ARIH2: variants seen among roughly 807,000 people sequenced by gnomAD.
ARIH2 encodes E3 ubiquitin-protein ligase ARIH2.
In ARIH2, 12 loss-of-function variants were observed where a neutral mutation model predicts 79.8. That is an observed-to-expected ratio of 0.15 (90% confidence interval 0.10 to 0.24). ARIH2 has a LOEUF of 0.24. Among genes scored for constraint, ARIH2 ranks in the 10% least tolerant of loss-of-function variants. The pLI, the probability that ARIH2 is intolerant of heterozygous loss-of-function variation, is 1.00. For missense variants in ARIH2, 301 were observed against 618.3 expected (o/e 0.49, Z 5.44); for synonymous variants, 224 against 213.9 (o/e 1.05, Z -0.41).
chr3:48,967,477 T>C (rs2091880033), intron 6 of ARIH2, among the ~76,000 whole-genome samples: 1 of 152,212 alleles, frequency 6.6e-6, no homozygotes, highest in Admixed American at 6.5e-5. Flanking sequence ...AAACTAAATA[T>C]ACTGTTGTAA....
intron 4 of ARIH2, among the ~76,000 whole-genome samples, 198 bp downstream of exon 4, chr3:48,961,877 AGT>A (rs1440201659): frequency 1.3e-5 from 2 of 152,172 alleles, no homozygotes; most frequent in African/African-American, 4.8e-5. Context: ...CTTCTACCCC[AGT>A]TTTAATACTA....
chr3:48,933,820 G>A (rs1018159609), intron 3 of ARIH2, among the ~76,000 whole-genome samples: 1 of 151,890 alleles, frequency 6.6e-6, no homozygotes, highest in African/African-American at 2.4e-5. Flanking sequence ...CAACGTGCTG[G>A]GATTACAGGT....
intron 1 of ARIH2, among the ~76,000 whole-genome samples, chr3:48,920,866 T>A: frequency 1.8e-5 from 1 of 56,448 alleles, no homozygotes; most frequent in African/African-American, 5.5e-5. Context: ...ATCGCGCCAC[T>A]GCACTCCAGC....
At chr3:48,962,114 T>G (rs2091331987) in intron 4 of ARIH2, among the ~76,000 whole-genome samples, 1 of 152,186 alleles carries the variant, frequency 6.6e-6, no homozygotes. Flanking sequence ...TGGTGGCTCA[T>G]GCCTGTAATC....
chr3:48,943,179 A>G (rs757560936), intron 3 of ARIH2: 12 of 152,156 alleles, frequency 7.9e-5, no homozygotes, highest in Admixed American at 7.2e-4. Flanking sequence ...CACTAAAAGT[A>G]CCACTTTATT....
intron 3 of ARIH2, chr3:48,943,128 G>C (rs888424974): frequency 6.6e-6 from 1 of 152,006 alleles, no homozygotes; most frequent in Non-Finnish European, 1.5e-5. Context: ...TTTAATATCT[G>C]CCCCCTCCTT....
rs1246681228 is a variant in ARIH2 at position 48,949,176 on chromosome 3, G to A, written c.256-12436G>A. ...TCTGTTGCCTAGGCTGGAGTGCAGTGGCACGATCTCGGCTCACTGCAAGCT... is the reference window on the plus strand; with the variant it reads ...TCTGTTGCCTAGGCTGGAGTGCAGTAGCACGATCTCGGCTCACTGCAAGCT... On this transcript the variant is annotated intron_variant, in intron 3 of 15. Transcript: ENST00000356401. 8.9e-6 allele frequency: 4 copies of A among 448,396 alleles called. No homozygotes were observed. The East Asian group carries it at 2.8e-4, about 31-fold the overall frequency. The allele number at this position is 448,396 out of a possible 1,614,324, so 27.8% of individuals were successfully genotyped here.
At chr3:48,959,670 A>AG (rs1298387898) in intron 3 of ARIH2, among the ~76,000 whole-genome samples, 1 of 145,684 alleles carries the variant, frequency 6.9e-6, no homozygotes, top group Non-Finnish European at 1.5e-5. Flanking sequence ...AAAAAAAAAA[A>AG]AAAAAGAAAA....
chr3:48,983,280 T>C lies in ARIH2; in HGVS notation c.*10T>C. On this transcript the variant is annotated 3_prime_UTR_variant, in exon 16 of 16. Coordinates refer to ENST00000356401, the MANE Select transcript of ARIH2 (RefSeq NM_006321.4). Reference sequence around the variant, plus strand: ...TTTCCATGACACCTAAGTTGGGATGTGGATGTGCCGGGGTGAGGAAGATGT... The same window carrying C: ...TTTCCATGACACCTAAGTTGGGATGCGGATGTGCCGGGGTGAGGAAGATGT... 6.2e-7 allele frequency: 1 copy of C among 1,614,026 alleles called. No individual in the cohort carries two copies. Among genetic ancestry groups the C allele is most frequent in the South Asian group, 1.1e-5 (1 of 91,084 alleles).
intron 3 of ARIH2, among the ~76,000 whole-genome samples, chr3:48,940,150 G>C (rs1489662048): frequency 3.3e-5 from 5 of 152,122 alleles, no homozygotes; most frequent in African/African-American, 1.2e-4. Context: ...AGCTTGCAGT[G>C]AGCCAAGATC....
At chr3:48,966,818 A>G (rs374043130) in intron 5 of ARIH2, among the ~76,000 whole-genome samples, 1 of 152,332 alleles carries the variant, frequency 6.6e-6, no homozygotes, top group East Asian at 1.9e-4. Flanking sequence ...GACCTTGGCA[A>G]TTCTGAAACC....
rs1166521699 is a variant in ARIH2 at position 48,918,866 on chromosome 3, G to C, written c.-294G>C. 3 of 1,610,278 alleles carry C rather than the reference G, an allele frequency of 1.9e-6. No homozygotes were observed. The highest frequency in any genetic ancestry group is 2.7e-5 in the African/African-American group (2 of 74,926). On this transcript the variant is annotated 5_prime_UTR_variant, in exon 1 of 16. Transcript: ENST00000356401. The stretch of plus-strand genomic sequence containing the variant: ...CGGAGCTGTGGGGACGACTCTTCTG[G>C]AGGAAGCAGCGCGGGCTTGACCGGC...
intron 2 of ARIH2, among the ~76,000 whole-genome samples, chr3:48,926,459 A>G (rs2085630600): frequency 6.6e-6 from 1 of 151,520 alleles, no homozygotes; most frequent in Non-Finnish European, 1.5e-5. Flanking sequence ...TAGTAGAGAC[A>G]GGGTTTCACC....
chr3:48,969,471 C>G (rs1011764631), intron 7 of ARIH2, among the ~76,000 whole-genome samples: 6 of 151,064 alleles, frequency 4.0e-5, no homozygotes, highest in Non-Finnish European at 7.4e-5. Context: ...ATATAATTTT[C>G]TTTTCTTTTT....
chr3:48,979,762 A>G lies in ARIH2; in HGVS notation c.1113+129A>G, dbSNP rs1019288607. The G allele has an allele frequency of 7.0e-6, 7 of 995,096 alleles. No homozygotes were observed. The East Asian group carries it at 1.8e-4, about 26-fold the overall frequency. The allele number at this position is 995,096 out of a possible 1,614,324, so 61.6% of individuals were successfully genotyped here. On this transcript the variant is annotated intron_variant, in intron 12 of 15. Transcript: ENST00000356401. ...AGAAGTCAGTGAATGGAGCTCCTGC[A>G]GTATCCCTGGTGCTGCCTCTATAGA...
intron 7 of ARIH2, among the ~76,000 whole-genome samples, chr3:48,969,117 C>T (rs924475864): frequency 6.6e-6 from 1 of 151,936 alleles, no homozygotes; most frequent in Non-Finnish European, 1.5e-5. Context: ...TCATGATCTG[C>T]CCCCCTCGGC....
intron 7 of ARIH2, among the ~76,000 whole-genome samples, chr3:48,969,735 C>T (rs764853693): frequency 5.9e-5 from 9 of 151,564 alleles, no homozygotes; most frequent in Middle Eastern, 3.2e-3. Context: ...GCCATTCACC[C>T]GATGCAGCAT....
At chr3:48,952,951 C>T (rs973553242) in intron 3 of ARIH2, among the ~76,000 whole-genome samples, 4 of 150,616 alleles carry the variant, frequency 2.7e-5, no homozygotes, top group Non-Finnish European at 1.5e-5. Flanking sequence ...TTTTTTTAAA[C>T]GCAGTCTCGT....
intron 4 of ARIH2, among the ~76,000 whole-genome samples, chr3:48,963,479 A>G (rs2091481491): frequency 6.6e-6 from 1 of 152,206 alleles, no homozygotes; most frequent in African/African-American, 2.4e-5. Flanking sequence ...TTTCTGCTCC[A>G]ATTCCTGGTA....
Sources: gnomAD v4.1 joint callset for allele counts (sites outside exome capture counted in the v4.1 genomes callset) on GRCh38, gnomAD v4.1.1 for gene constraint, MANE v1.5 for transcripts, NCBI Gene and HGNC (gene_info 2026-07-23, HGNC 2026-07-21) for gene names.